Variants in MTMR7 observed in about 807,000 individuals in gnomAD.
The protein encoded by MTMR7 is phosphatidylinositol-3-phosphate phosphatase MTMR7.
Under a neutral mutation model 81.2 loss-of-function variants are expected in MTMR7, and 76 were observed. The observed-to-expected ratio is 0.94, with a 90% CI of 0.78 to 1.13. MTMR7 has a LOEUF of 1.13. Ranked by LOEUF, MTMR7 falls within the 50% of genes most tolerant of loss-of-function variation. MTMR7 has a pLI of 0.00. For missense variants in MTMR7, 1,044 were observed against 820.0 expected, an observed-to-expected ratio of 1.27 and a Z score of -3.34; for synonymous variants, 372 against 289.8, an observed-to-expected ratio of 1.28 and a Z score of -2.88.
intron 1 of MTMR7, among the ~76,000 whole-genome samples, chr8:17,404,253 T>C (rs975115284): frequency 6.6e-6 from 1 of 152,008 alleles, no homozygotes; most frequent in Non-Finnish European, 1.5e-5. Context: ...GGAATAGATA[T>C]GGGAGGAGAT....
intron 3 of MTMR7, 83 bp downstream of exon 3, chr8:17,370,954 C>G (rs1820399150): frequency 7.0e-7 from 1 of 1,418,780 alleles, no homozygotes; most frequent in African/African-American, 1.4e-5. Flanking sequence ...CCTATCATTC[C>G]TAAGCACCAT....
At chr8:17,352,253 T>C (rs1819750558) in intron 4 of MTMR7, among the ~76,000 whole-genome samples, 1 of 152,066 alleles carries the variant, frequency 6.6e-6, no homozygotes, top group African/African-American at 2.4e-5. Context: ...GACAGACAAA[T>C]AGGCCAATGG....
chr8:17,333,240 GA>G (rs1431640438), intron 6 of MTMR7, among the ~76,000 whole-genome samples: 1 of 151,898 alleles, frequency 6.6e-6, no homozygotes, highest in Non-Finnish European at 1.5e-5. Flanking sequence ...CCTTAATCAA[GA>G]AAAAAATATT....
chr8:17,382,353 C>T (rs1191426020), intron 1 of MTMR7, among the ~76,000 whole-genome samples: 2 of 152,334 alleles, frequency 1.3e-5, no homozygotes, highest in South Asian at 2.1e-4. Context: ...ATTCCTTCCC[C>T]ATCTCGAGCT....
Position 17,299,924 on chromosome 8 carries a change from C to T in MTMR7, c.1921G>A (p.Ala641Thr), listed in dbSNP as rs984771148. 1 of 1,614,052 alleles carries T rather than the reference C, an allele frequency of 6.2e-7. No individual in the cohort carries two copies. The highest frequency in any genetic ancestry group is 1.3e-5 in the African/African-American group (1 of 74,946). ...TCCTTGCCACTATCTTCACTCGGTG[C>T]ATGCTCACCACCACTTGGAGACCGA... ...SCRSPSGGEHAPSEDSGKDRD... is the reference protein window; with the variant it reads ...SCRSPSGGEHTPSEDSGKDRD... The change falls in exon 14 of 14, where the codon GCA becomes ACA. Residue 641 changes from alanine to threonine, a missense_variant. Transcript: ENST00000180173.
intron 12 of MTMR7, among the ~76,000 whole-genome samples, chr8:17,303,317 G>A (rs541532733): frequency 6.6e-6 from 1 of 152,024 alleles, no homozygotes; most frequent in Non-Finnish European, 1.5e-5. Flanking sequence ...AGAATATTCT[G>A]CTATAAATTC....
intron 3 of MTMR7, among the ~76,000 whole-genome samples, chr8:17,365,017 T>A (rs1342322772): frequency 6.6e-6 from 1 of 152,254 alleles, no homozygotes; most frequent in African/African-American, 2.4e-5. Context: ...CTTGTACTAA[T>A]TTACATTCCC....
At chr8:17,353,730 G>GGATT (rs1360752345) in intron 4 of MTMR7, among the ~76,000 whole-genome samples, 1 of 152,130 alleles carries the variant, frequency 6.6e-6, no homozygotes, top group Non-Finnish European at 1.5e-5. Context: ...TAATGAAAGT[G>GGATT]GATTAGTCAG....
intron 13 of MTMR7, 36 bp from the exon 14 acceptor site, chr8:17,300,260 T>A (rs1241737567): frequency 3.8e-6 from 6 of 1,568,988 alleles, no homozygotes; most frequent in Non-Finnish European, 5.2e-6. Flanking sequence ...GGAAAAATCA[T>A]AAATAACTTA....
At chr8:17,409,460 C>T (rs1454418123) in intron 1 of MTMR7, among the ~76,000 whole-genome samples, 2 of 152,044 alleles carry the variant, frequency 1.3e-5, no homozygotes, top group East Asian at 1.9e-4. Context: ...CAAGACTCGG[C>T]CTCAAAAACA....
At chr8:17,328,825 A>C (rs1235627610) in intron 7 of MTMR7, among the ~76,000 whole-genome samples, 1 of 152,222 alleles carries the variant, frequency 6.6e-6, no homozygotes, top group African/African-American at 2.4e-5. Flanking sequence ...TTAAATAACA[A>C]AATTGCTTGC....
intron 1 of MTMR7, among the ~76,000 whole-genome samples, chr8:17,377,172 A>C (rs116403988): frequency 6.6e-6 from 1 of 152,142 alleles, no homozygotes; most frequent in Non-Finnish European, 1.5e-5. Context: ...GGAAGCTTTC[A>C]ACATACAAAG....
chr8:17,375,480 G>GTTTTTT (rs372246791), intron 1 of MTMR7, among the ~76,000 whole-genome samples: 66 of 136,640 alleles, frequency 4.8e-4, no homozygotes, highest in African/African-American at 3.3e-4. Context: ...ACTAGCTTAT[G>GTTTTTT]TTTTTTTTTT....
intron 3 of MTMR7, among the ~76,000 whole-genome samples, chr8:17,363,723 T>C (rs1234361877): frequency 3.9e-5 from 6 of 152,116 alleles, no homozygotes; most frequent in Non-Finnish European, 7.4e-5. Context: ...GCAAGCTTCT[T>C]ACCCACAGGC....
intron 7 of MTMR7, among the ~76,000 whole-genome samples, chr8:17,317,179 T>C (rs1442565557): frequency 6.6e-6 from 1 of 152,220 alleles, no homozygotes; most frequent in African/African-American, 2.4e-5. Context: ...TGAGCTTTCC[T>C]CAGTTTTCTG....
At chr8:17,348,392 A>G (rs1015049132) in intron 5 of MTMR7, among the ~76,000 whole-genome samples, 1 of 147,848 alleles carries the variant, frequency 6.8e-6, no homozygotes, top group South Asian at 2.3e-4. Context: ...ACAAAAAAAA[A>G]ACCCAAAATT....
chr8:17,412,383 G>A (rs931766002), intron 1 of MTMR7, among the ~76,000 whole-genome samples: 3 of 152,134 alleles, frequency 2.0e-5, no homozygotes, highest in Non-Finnish European at 4.4e-5. Context: ...CTGCAAAAAC[G>A]CAAGGAGCTG....
At chr8:17,318,736 C>A (rs1189024602) in intron 7 of MTMR7, among the ~76,000 whole-genome samples, 1 of 152,130 alleles carries the variant, frequency 6.6e-6, no homozygotes, top group Admixed American at 6.5e-5. Context: ...ATGAAGCTGT[C>A]CCTGCCCACT....
chr8:17,300,065 G>C lies in MTMR7; in HGVS notation c.1780C>G (p.Pro594Ala), dbSNP rs1817010062. 6.2e-7 allele frequency: 1 copy of C among 1,614,138 alleles called. No individual in the cohort carries two copies. Among genetic ancestry groups the C allele is most frequent in the Non-Finnish European group, 8.5e-7 (1 of 1,180,014 alleles). ...GNMKSFPSRS[P>A]SQGDEDSALI... ...GCAGAATCTTCATCGCCTTGTGAAG[G>C]GCTCCGGGATGGAAATGATTTCATA... Residue 594 changes from proline to alanine, a missense_variant, in exon 14 of 14, where the codon CCT becomes GCT. Physicochemically the swap from Pro to Ala is conservative, Grantham distance 27. Coordinates refer to ENST00000180173, the MANE Select transcript of MTMR7 (RefSeq NM_004686.5).
Sources: allele counts gnomAD v4.1 joint callset (sites outside exome capture counted in the v4.1 genomes callset), GRCh38; gene constraint gnomAD v4.1.1; transcripts MANE v1.5; gene names NCBI Gene and HGNC (gene_info 2026-07-23, HGNC 2026-07-21).